HEATR4: variants seen among roughly 807,000 people sequenced by gnomAD.
The protein encoded by HEATR4 is HEAT repeat-containing protein 4.
A neutral mutation model predicts 108.8 loss-of-function variants in HEATR4; 95 were observed. The ratio of observed to expected loss-of-function variants is 0.87; its 90% CI spans 0.74 to 1.04. The LOEUF (loss-of-function observed/expected upper bound fraction) is 1.04. Among genes scored for constraint, HEATR4 ranks in the 50% least tolerant of loss-of-function variants. HEATR4 has a pLI of 0.00. For missense variants in HEATR4, 1,152 were observed against 1,253.8 expected (o/e 0.92, Z 1.23); for synonymous variants, 443 against 459.4 (o/e 0.96, Z 0.46).
chr14:73,519,204 C>A, intron 4 of HEATR4, 41 bp from the exon 5 acceptor site: 1 of 1,566,728 alleles, frequency 6.4e-7, no homozygotes, highest in Non-Finnish European at 8.7e-7. Flanking sequence ...CTATAACCTC[C>A]CTATTTCCTT....
At chr14:73,625,434 T>C in the HEATR4 span, among the ~76,000 whole-genome samples, 1 of 152,118 alleles carries the variant, frequency 6.6e-6, no homozygotes, top group Non-Finnish European at 1.5e-5. Flanking sequence ...CGATCTCGAC[T>C]CACAGCAACC....
the HEATR4 span, chr14:73,569,430 G>T: frequency 6.2e-7 from 1 of 1,613,930 alleles, no homozygotes; most frequent in Non-Finnish European, 8.5e-7. Context: ...TGCTCGGATG[G>T]CGGCGACGCT....
Position 73,522,749 on chromosome 14 carries a change from G to C in HEATR4, c.404C>G (p.Ala135Gly), listed in dbSNP as rs1351702662. ...ATTGGCAGAGCTTTCTGTCTTCACA[G>C]CCAGGGAGGTGTCTCCTGTTAAGGG... ...SSPLTGDTSL[A>G]VKTESSANPE... The change falls in exon 3 of 18, where the codon GCT (alanine) becomes GGT (glycine). Residue 135 changes from alanine (A) to glycine (G), a missense_variant. Transcript: ENST00000553558. The C allele has an allele frequency of 4.3e-6, 7 of 1,614,100 alleles. No individual in the cohort carries two copies. The highest frequency in any genetic ancestry group is 5.9e-6 in the Non-Finnish European group (7 of 1,180,040).
At chr14:73,583,179 T>C in the HEATR4 span, among the ~76,000 whole-genome samples, 1 of 151,826 alleles carries the variant, frequency 6.6e-6, no homozygotes, top group Non-Finnish European at 1.5e-5. Flanking sequence ...CCGTCTGTAC[T>C]AAAAATACAA....
chr14:73,528,351 C>T (rs1262388150), intron 2 of HEATR4, among the ~76,000 whole-genome samples: 1 of 134,088 alleles, frequency 7.5e-6, no homozygotes, highest in Non-Finnish European at 1.5e-5. Flanking sequence ...AAGATCGCGC[C>T]ACTGGACTCC....
the HEATR4 span, among the ~76,000 whole-genome samples, chr14:73,603,248 A>G: frequency 1.3e-3 from 203 of 152,376 alleles, 2 homozygotes; most frequent in Middle Eastern, 6.8e-3. Context: ...CCAAAGAAGC[A>G]GTTTATGACC....
At chr14:73,579,280 A>C in the HEATR4 span, among the ~76,000 whole-genome samples, 1 of 147,358 alleles carries the variant, frequency 6.8e-6, no homozygotes. Flanking sequence ...AAAAAAAAAA[A>C]AAAAAAAAAA....
the HEATR4 span, chr14:73,612,567 T>C: frequency 2.9e-6 from 4 of 1,379,916 alleles, no homozygotes; most frequent in East Asian, 3.0e-5. Context: ...TCTACCCAGA[T>C]TGGGATGGCA....
At chr14:73,592,033 G>T in the HEATR4 span, 1 of 1,453,104 alleles carries the variant, frequency 6.9e-7, no homozygotes. Context: ...GCCGTGCGCG[G>T]CCTGGCCCCG....
chr14:73,489,773 G>A (rs1264240265), intron 17 of HEATR4, among the ~76,000 whole-genome samples: 4 of 152,192 alleles, frequency 2.6e-5, no homozygotes, highest in Admixed American at 2.6e-4. Flanking sequence ...GGGGCAGGAA[G>A]GGCAGATATC....
chr14:73,569,893 C>G, the HEATR4 span: 1 of 1,600,920 alleles, frequency 6.2e-7, no homozygotes, highest in Non-Finnish European at 8.5e-7. Flanking sequence ...GGTGACTCAC[C>G]TCCGCTAATT....
chr14:73,622,545 G>A, the HEATR4 span, among the ~76,000 whole-genome samples: 3 of 151,916 alleles, frequency 2.0e-5, no homozygotes, highest in East Asian at 5.8e-4. Flanking sequence ...TGAGATTATA[G>A]GCGCACCACC....
the HEATR4 span, chr14:73,612,465 T>G: frequency 1.4e-6 from 1 of 727,344 alleles, no homozygotes. Flanking sequence ...CCAATGGGAG[T>G]AGTGTTAAGG....
the HEATR4 span, among the ~76,000 whole-genome samples, chr14:73,567,366 G>A: frequency 1.3e-5 from 2 of 152,076 alleles, no homozygotes; most frequent in Non-Finnish European, 2.9e-5. Context: ...CTTCTGGGTT[G>A]GGTGGGGACT....
chr14:73,603,438 T>C, the HEATR4 span, among the ~76,000 whole-genome samples: 1 of 152,134 alleles, frequency 6.6e-6, no homozygotes, highest in Non-Finnish European at 1.5e-5. Flanking sequence ...CACTGTAACC[T>C]CTGCCTTCTG....
At chr14:73,592,357 G>GGGTGCGGCGCCAGTC in the HEATR4 span, 3 of 1,589,262 alleles carry the variant, frequency 1.9e-6, no homozygotes, top group Non-Finnish European at 2.6e-6. Context: ...CTCCCGCCAG[G>GGGTGCGGCGCCAGTC]GGTGCGGCGC....
chr14:73,589,557 G>A, the HEATR4 span, among the ~76,000 whole-genome samples: 21 of 152,170 alleles, frequency 1.4e-4, no homozygotes, highest in Admixed American at 2.6e-4. Context: ...AACCTCAAGC[G>A]ATCCGCCCAA....
chr14:73,608,070 G>A, the HEATR4 span, among the ~76,000 whole-genome samples: 6 of 151,410 alleles, frequency 4.0e-5, no homozygotes, highest in Admixed American at 6.6e-5. Context: ...GATTACAGGC[G>A]CCTGCCACTG....
At chr14:73,586,734 C>CA in the HEATR4 span, among the ~76,000 whole-genome samples, 1 of 151,016 alleles carries the variant, frequency 6.6e-6, no homozygotes, top group Non-Finnish European at 1.5e-5. Flanking sequence ...GTTTTAGGGA[C>CA]AGTCTTGCTC....
Sources: gnomAD v4.1 joint callset for allele counts (sites outside exome capture counted in the v4.1 genomes callset) on GRCh38, gnomAD v4.1.1 for gene constraint, MANE v1.5 for transcripts, NCBI Gene and HGNC (gene_info 2026-07-23, HGNC 2026-07-21) for gene names.